Variants in GMNC observed in about 807,000 individuals in gnomAD.
GMNC encodes geminin coiled-coil domain-containing protein 1.
GMNC carries 16 observed loss-of-function variants against 33.6 expected under a neutral mutation model. The observed-to-expected ratio is 0.48, with a 90% CI of 0.32 to 0.72. The LOEUF is 0.72. Among genes scored for constraint, GMNC ranks in the 30% least tolerant of loss-of-function variants. GMNC has a pLI of 0.03. For synonymous variants in GMNC, 156 were observed against 147.3 expected (o/e 1.06, Z -0.43); for missense variants, 393 against 388.9 (o/e 1.01, Z -0.09).
chr3:190,852,267 TCTTC>T (rs1351936659), downstream of GMNC, among the ~76,000 whole-genome samples: 1 of 152,118 alleles, frequency 6.6e-6, no homozygotes, highest in African/African-American at 2.4e-5. Flanking sequence ...CATTTGTCAT[TCTTC>T]CTTTAAAAAA....
downstream of GMNC, among the ~76,000 whole-genome samples, chr3:190,852,491 A>G (rs184008249): frequency 9.2e-5 from 14 of 152,260 alleles, no homozygotes; most frequent in East Asian, 2.7e-3. Flanking sequence ...TCAGATGATC[A>G]GAGGACATTG....
the GMNC span, among the ~76,000 whole-genome samples, chr3:190,844,692 A>G: frequency 6.6e-6 from 1 of 152,098 alleles, no homozygotes; most frequent in African/African-American, 2.4e-5. Context: ...TGGAGTGAGC[A>G]TCAGGAAAAA....
chr3:190,859,721 A>C (rs1436832480), intron 2 of GMNC: 3 of 375,270 alleles, frequency 8.0e-6, no homozygotes, highest in African/African-American at 4.3e-5. Flanking sequence ...CTATCAATAA[A>C]AAACTATGGT....
In GMNC at chr3:190,853,048, C is replaced by T. The variant is rs1009856442; in HGVS notation, c.*2247G>A. The T allele has an allele frequency of 4.6e-5, 7 of 151,980 alleles. No homozygotes were observed. The highest frequency in any genetic ancestry group is 8.8e-5 in the Non-Finnish European group (6 of 67,952). The allele number at this position is 151,980 out of a possible 1,614,324, so 9.4% of individuals were successfully genotyped here. ...ACCATCACATTTTATCCCAAATGTT[C>T]GGTAATATCTTTAAACTGGGCCAAA... On this transcript the variant is annotated 3_prime_UTR_variant, in exon 5 of 5. Coordinates refer to ENST00000442080, the MANE Select transcript of GMNC (RefSeq NM_001146686.3).
the GMNC span, among the ~76,000 whole-genome samples, chr3:190,846,490 T>C: frequency 1.7e-4 from 26 of 152,082 alleles, no homozygotes; most frequent in African/African-American, 5.8e-4. Flanking sequence ...TTACACATTT[T>C]AACACTTTTA....
the GMNC span, among the ~76,000 whole-genome samples, chr3:190,845,507 C>CTTTTT: frequency 3.0e-5 from 4 of 134,660 alleles, no homozygotes; most frequent in African/African-American, 1.3e-4. Context: ...TATTTTGAAA[C>CTTTTT]CTTTTTTTTT....
At chr3:190,860,553 C>T (rs1256757076) in intron 2 of GMNC, 131 bp downstream of exon 2, 6 of 713,208 alleles carry the variant, frequency 8.4e-6, no homozygotes, top group African/African-American at 3.6e-5. Context: ...CTGTAAAAAT[C>T]AGGAGTCCTT....
the GMNC span, among the ~76,000 whole-genome samples, chr3:190,845,749 C>T: frequency 6.6e-6 from 1 of 151,880 alleles, no homozygotes; most frequent in Admixed American, 6.6e-5. Flanking sequence ...ACAAGTGATC[C>T]GCCTGCCTTA....
chr3:190,862,564 A>G lies in GMNC; in HGVS notation c.3+49T>C, dbSNP rs1269474909. On this transcript the variant is annotated intron_variant, in intron 1 of 4. Transcript: ENST00000442080. This position sits in a 1 kb window ranked among gnomAD's most constrained non-coding sequence, Gnocchi z 4.5. The stretch of plus-strand genomic sequence containing the variant: ...CTAAATGCAAAGCTTATTAACTTTC[A>G]GAGACCCAAGTTTGCCAGCGGACTA... 8 of 1,392,738 alleles carry G rather than the reference A, an allele frequency of 5.7e-6. No homozygotes were observed. In the Admixed American group the frequency reaches 5.9e-5, roughly 10 times the overall value. 86.3% of individuals were successfully genotyped at this position (1,392,738 alleles called of 1,614,324 possible). A position where few individuals can be genotyped will look rare whatever the true frequency, so the allele number is the denominator to read the frequency against.
downstream of GMNC, among the ~76,000 whole-genome samples, chr3:190,848,916 G>A (rs987284395): frequency 2.6e-5 from 4 of 152,062 alleles, no homozygotes; most frequent in African/African-American, 9.7e-5. Context: ...AAAGGGAGTG[G>A]GAATCTCTGT....
Position 190,862,004 on chromosome 3 carries a change from A to C in GMNC, c.3+609T>G, listed in dbSNP as rs1737881799. The stretch of plus-strand genomic sequence containing the variant: ...TAAGTCAATTCAATCGCACTTTGTT[A>C]ATGTTCTCGGTAAATTAAGTTTTGA... On this transcript the variant is annotated intron_variant, in intron 1 of 4. Transcript: ENST00000442080. This position sits in a 1 kb window ranked among gnomAD's most constrained non-coding sequence, Gnocchi z 4.5. Among the ~76,000 whole-genome samples the C allele has an allele frequency of 6.6e-6, 1 of 152,192 alleles. No individual in the cohort carries two copies. Among genetic ancestry groups the C allele is most frequent in the African/African-American group, 2.4e-5 (1 of 41,448 alleles).
At chr3:190,843,528 G>A in the GMNC span, among the ~76,000 whole-genome samples, 1 of 152,078 alleles carries the variant, frequency 6.6e-6, no homozygotes, top group African/African-American at 2.4e-5. Flanking sequence ...AGAGTAAGAT[G>A]AGTGGCAATG....
the GMNC span, among the ~76,000 whole-genome samples, chr3:190,844,447 A>G: frequency 1.3e-5 from 2 of 151,350 alleles, no homozygotes; most frequent in Non-Finnish European, 3.0e-5. Flanking sequence ...TTTAATACAT[A>G]TTTAATAATT....
chr3:190,860,607 C>CA, intron 2 of GMNC, 77 bp downstream of exon 2: 2 of 1,280,508 alleles, frequency 1.6e-6, no homozygotes, highest in Non-Finnish European at 2.1e-6. Context: ...TCTAGAGTCC[C>CA]AGCCCATGAT....
intron 3 of GMNC, 128 bp downstream of exon 3, chr3:190,858,800 A>T: frequency 1.8e-6 from 1 of 548,476 alleles, no homozygotes; most frequent in South Asian, 2.7e-5. Flanking sequence ...CTCTCTTTGG[A>T]CACACCAGTC....
chr3:190,850,752 A>G (rs928659310), downstream of GMNC, among the ~76,000 whole-genome samples: 1 of 152,328 alleles, frequency 6.6e-6, no homozygotes, highest in African/African-American at 2.4e-5. Context: ...ACAATAGTAG[A>G]AAAGGTATTA....
intron 3 of GMNC, 63 bp from the exon 4 acceptor site, chr3:190,857,962 T>C: frequency 1.2e-6 from 1 of 849,790 alleles, no homozygotes; most frequent in Non-Finnish European, 2.0e-6. Flanking sequence ...CTTATAATAA[T>C]GCCACTGCTC....
At chr3:190,859,374 G>A (rs1321435165) in intron 2 of GMNC, among the ~76,000 whole-genome samples, 2 of 151,996 alleles carry the variant, frequency 1.3e-5, no homozygotes, top group African/African-American at 4.8e-5. Flanking sequence ...GCATAACATT[G>A]TAATTCCATT....
At chr3:190,847,440 T>C in the GMNC span, among the ~76,000 whole-genome samples, 5 of 152,238 alleles carry the variant, frequency 3.3e-5, no homozygotes, top group Non-Finnish European at 5.9e-5. Context: ...CTACAGCCTC[T>C]TGCAGCTCAG....
Sources: gnomAD v4.1 joint callset for allele counts (sites outside exome capture counted in the v4.1 genomes callset) on GRCh38, gnomAD v4.1.1 for gene constraint, Gnocchi (gnomAD v3.1) non-coding constraint, MANE v1.5 for transcripts, NCBI Gene and HGNC (gene_info 2026-07-23, HGNC 2026-07-21) for gene names.